The following PCDH15 variants were observed in gnomAD, a reference collection of about 807,000 sequenced individuals.
The protein encoded by PCDH15 is protocadherin-15.
Under a neutral mutation model 178.5 loss-of-function variants are expected in PCDH15, and 129 were observed. That is an observed-to-expected ratio of 0.72 (90% CI 0.63 to 0.84). The LOEUF (loss-of-function observed/expected upper bound fraction) is 0.84. Ranked by LOEUF, PCDH15 falls within the 40% of genes least tolerant of loss-of-function variation. The pLI is 0.00. For synonymous variants in PCDH15, 800 were observed against 732.0 expected (o/e 1.09, Z -1.50); for missense variants, 2,230 against 2,099.9 (o/e 1.06, Z -1.21).
chr10:55,307,099 T>C (rs1564990823), intron 1 of PCDH15, among the ~76,000 whole-genome samples: 1 of 152,000 alleles, frequency 6.6e-6, no homozygotes, highest in Non-Finnish European at 1.5e-5. Flanking sequence ...TTTTCTGCTA[T>C]GTAATATGTA....
At chr10:53,891,479 C>G (rs1177186822) in intron 26 of PCDH15, among the ~76,000 whole-genome samples, 1 of 152,172 alleles carries the variant, frequency 6.6e-6, no homozygotes, top group African/African-American at 2.4e-5. Context: ...GATACAAAGA[C>G]ATTTAATAAA....
At chr10:54,515,243 G>C (rs921199868) in intron 3 of PCDH15, among the ~76,000 whole-genome samples, 2 of 152,210 alleles carry the variant, frequency 1.3e-5, no homozygotes, top group African/African-American at 4.8e-5. Flanking sequence ...AGGGGTGACA[G>C]ATGGCACCTG....
At chr10:54,249,397 C>G (rs1230121720) in intron 8 of PCDH15, among the ~76,000 whole-genome samples, 2 of 152,072 alleles carry the variant, frequency 1.3e-5, no homozygotes, top group Non-Finnish European at 2.9e-5. Flanking sequence ...AGATATACAT[C>G]TAGAGTGTTG....
chr10:54,394,988 T>G (rs111229614), intron 3 of PCDH15, among the ~76,000 whole-genome samples: 5 of 152,136 alleles, frequency 3.3e-5, no homozygotes. Flanking sequence ...GAACAATTGC[T>G]GTTATCCTGT....
chr10:54,228,366 T>A (rs1237318355), intron 9 of PCDH15, among the ~76,000 whole-genome samples: 1 of 152,160 alleles, frequency 6.6e-6, no homozygotes, highest in Non-Finnish European at 1.5e-5. Context: ...TCATCAGATC[T>A]TGTGAGACTT....
intron 1 of PCDH15, among the ~76,000 whole-genome samples, chr10:55,208,546 G>T (rs570907363): frequency 3.8e-4 from 57 of 151,742 alleles, no homozygotes; most frequent in African/African-American, 1.3e-3. Flanking sequence ...CTCAATTTTA[G>T]AATATCTTTT....
At chr10:54,277,484 T>C (rs1379500450) in intron 8 of PCDH15, among the ~76,000 whole-genome samples, 1 of 151,696 alleles carries the variant, frequency 6.6e-6, no homozygotes, top group Non-Finnish European at 1.5e-5. Context: ...CAAATAAAAT[T>C]GCAAGGCATT....
At chr10:54,336,809 C>T (rs1366516534) in intron 6 of PCDH15, among the ~76,000 whole-genome samples, 1 of 152,194 alleles carries the variant, frequency 6.6e-6, no homozygotes, top group Admixed American at 6.5e-5. Flanking sequence ...TAGAGGGCCA[C>T]TGTCCTCCAG....
At chr10:54,097,191 T>C (rs1207403837) in intron 15 of PCDH15, among the ~76,000 whole-genome samples, 2 of 152,194 alleles carry the variant, frequency 1.3e-5, no homozygotes, top group African/African-American at 4.8e-5. Context: ...ATTTGGTTGA[T>C]TATGTCACTG....
chr10:55,208,628 T>C (rs1174546636), intron 1 of PCDH15, among the ~76,000 whole-genome samples: 1 of 152,038 alleles, frequency 6.6e-6, no homozygotes, highest in Non-Finnish European at 1.5e-5. Context: ...TAGGACTCCT[T>C]AGCCAGGAAT....
intron 1 of PCDH15, among the ~76,000 whole-genome samples, chr10:54,667,007 C>T (rs184206212): frequency 6.2e-4 from 95 of 152,038 alleles, no homozygotes; most frequent in African/African-American, 1.8e-3. Context: ...TGATCTATGG[C>T]TCTGCAAGTT....
intron 2 of PCDH15, chr10:54,599,787 G>T: frequency 1.8e-6 from 1 of 544,166 alleles, no homozygotes. Context: ...AAGCTGAAGA[G>T]GGAGGATCTG....
chr10:54,442,483 T>G (rs2136178657), intron 3 of PCDH15, among the ~76,000 whole-genome samples: 1 of 128,916 alleles, frequency 7.8e-6, no homozygotes, highest in South Asian at 2.6e-4. Context: ...TTATAATAAA[T>G]ACTATTTTGT....
chr10:54,563,620 G>A (rs1324926824), intron 2 of PCDH15, among the ~76,000 whole-genome samples: 3 of 152,134 alleles, frequency 2.0e-5, no homozygotes, highest in South Asian at 2.1e-4. Context: ...GTGTCAAGAT[G>A]TCATTACATC....
At chr10:54,927,545 TCTA>T (rs1420706051) in intron 2 of PCDH15, among the ~76,000 whole-genome samples, 2 of 144,288 alleles carry the variant, frequency 1.4e-5, no homozygotes, top group East Asian at 3.9e-4. Context: ...GTGGAAATCT[TCTA>T]CTATTATTGT....
At chr10:54,535,709 CAA>C (rs71010382) in intron 2 of PCDH15, among the ~76,000 whole-genome samples, 97 of 42,586 alleles carry the variant, frequency 2.3e-3, no homozygotes, top group African/African-American at 9.1e-3. Flanking sequence ...GACTCCACCT[CAA>C]AAAAAAAAAA....
At chr10:54,241,600 T>G (rs998662109) in intron 8 of PCDH15, among the ~76,000 whole-genome samples, 2 of 152,164 alleles carry the variant, frequency 1.3e-5, no homozygotes, top group Non-Finnish European at 2.9e-5. Flanking sequence ...AGCTGCTTTC[T>G]TTGCTGTCTC....
chr10:54,915,828 C>T (rs1954892699), intron 2 of PCDH15, among the ~76,000 whole-genome samples: 1 of 151,706 alleles, frequency 6.6e-6, no homozygotes, highest in Non-Finnish European at 1.5e-5. Flanking sequence ...TTGAGATTAC[C>T]TATTTATTTA....
intron 2 of PCDH15, among the ~76,000 whole-genome samples, chr10:55,329,417 A>G (rs1182870933): frequency 6.6e-6 from 1 of 151,718 alleles, no homozygotes; most frequent in African/African-American, 2.4e-5. Flanking sequence ...CATAAACAGA[A>G]GCTCTTTGGA....
Sources: allele counts gnomAD v4.1 joint callset (sites outside exome capture counted in the v4.1 genomes callset), GRCh38; gene constraint gnomAD v4.1.1; transcripts MANE v1.5; gene names NCBI Gene and HGNC (gene_info 2026-07-23, HGNC 2026-07-21).